ABL2: variants seen among roughly 807,000 people sequenced by gnomAD.
ABL2 encodes tyrosine-protein kinase ABL2.
A neutral mutation model predicts 107.7 loss-of-function variants in ABL2; 49 were observed. The observed-to-expected ratio is 0.45, with a 90% CI of 0.36 to 0.58. The LOEUF (loss-of-function observed/expected upper bound fraction) is 0.58, where lower values mean the gene tolerates loss of function less well. Among genes scored for constraint, ABL2 ranks in the 20% least tolerant of loss-of-function variants. The pLI is 0.00. For synonymous variants in ABL2, 549 were observed against 548.6 expected (o/e 1.00, Z -0.01); for missense variants, 1,245 against 1,457.0 (o/e 0.85, Z 2.37).
At chr1:179,226,402 G>C (rs1443762405) in intron 1 of ABL2, among the ~76,000 whole-genome samples, 1 of 146,738 alleles carries the variant, frequency 6.8e-6, no homozygotes, top group African/African-American at 2.5e-5. Flanking sequence ...TCCACCTCCC[G>C]GGTTCAAGCG....
rs1040812554 is a variant in ABL2, at chr1:179,109,119, C to G, written c.2148G>C (p.Lys716Asn). The G allele has an allele frequency of 3.4e-5, 55 of 1,611,924 alleles. No homozygotes were observed. Among genetic ancestry groups the G allele is most frequent in the Non-Finnish European group, 4.4e-5 (52 of 1,179,756 alleles). ...TCTGTGCAAAGCTCCCCCCATAGCA[C>G]TTGGGTGGCACCAGATTCGCCTCTT... ...AQQEANLVPPKCYGGSFAQRN... is the reference protein window; with the variant it reads ...AQQEANLVPPNCYGGSFAQRN... Residue 716 changes from lysine (K) to asparagine (N), a missense_variant, in exon 12 of 12, where the codon AAG (lysine) becomes AAC (asparagine). By Grantham distance (94) the Lys-to-Asn change is moderately conservative. Around this residue, in one of 3 missense-constraint regions of ABL2, gnomAD observed 761 missense variants for 766.4 expected, o/e 0.99. Coordinates refer to ENST00000502732, the MANE Select transcript of ABL2 (RefSeq NM_007314.4).
Position 179,187,879 on chromosome 1 carries a change from A to G in ABL2, c.157+41362T>C, listed in dbSNP as rs539260135. Among the ~76,000 whole-genome samples, 19 of 152,306 alleles carry G rather than the reference A, an allele frequency of 1.2e-4. No individual in the cohort carries two copies. In the South Asian group the frequency reaches 3.9e-3, roughly 32 times the overall value. On this transcript the variant is annotated intron_variant, in intron 1 of 11. Coordinates refer to ENST00000502732, the MANE Select transcript of ABL2 (RefSeq NM_007314.4). Reference sequence around the variant, plus strand: ...ATTGTCCACAAATCAGCTAGACTGAACCCTATAAACTCTCCAAAAGATTCC... The same window carrying G: ...ATTGTCCACAAATCAGCTAGACTGAGCCCTATAAACTCTCCAAAAGATTCC...
intron 1 of ABL2, among the ~76,000 whole-genome samples, chr1:179,190,220 G>C (rs1476685887): frequency 6.6e-6 from 1 of 152,114 alleles, no homozygotes; most frequent in Non-Finnish European, 1.5e-5. Flanking sequence ...CCAGACTTCA[G>C]ATGCCATTTC....
At chr1:179,132,876 C>T (rs913839884) in intron 2 of ABL2, among the ~76,000 whole-genome samples, 2 of 146,010 alleles carry the variant, frequency 1.4e-5, no homozygotes, top group African/African-American at 2.6e-5. Context: ...CTCCCACCAC[C>T]GAGATGGAGT....
intron 10 of ABL2, among the ~76,000 whole-genome samples, chr1:179,111,999 C>G (rs941751358): frequency 6.6e-6 from 1 of 151,612 alleles, no homozygotes; most frequent in African/African-American, 2.4e-5. Context: ...GAGCTGACAT[C>G]GCACCACTGC....
chr1:179,195,338 G>A (rs1661249632), intron 1 of ABL2, among the ~76,000 whole-genome samples: 1 of 152,080 alleles, frequency 6.6e-6, no homozygotes, highest in African/African-American at 2.4e-5. Flanking sequence ...ACAGCCATTA[G>A]GATGGCTATT....
intron 1 of ABL2, chr1:179,221,055 G>A (rs557592568): frequency 1.8e-4 from 41 of 233,238 alleles, no homozygotes; most frequent in Non-Finnish European, 2.8e-4. Context: ...AAACTGCTCT[G>A]ATCAAAATCC....
chr1:179,160,603 T>C (rs910040051), intron 1 of ABL2, among the ~76,000 whole-genome samples: 2 of 152,172 alleles, frequency 1.3e-5, no homozygotes, highest in Non-Finnish European at 2.9e-5. Context: ...ATCTTCCTTA[T>C]ATATTTTATG....
intron 1 of ABL2, among the ~76,000 whole-genome samples, chr1:179,156,678 C>T (rs1345839692): frequency 6.6e-6 from 1 of 152,054 alleles, no homozygotes; most frequent in African/African-American, 2.4e-5. Flanking sequence ...AGTTCAAAGA[C>T]CATCCTGGTC....
intron 3 of ABL2, among the ~76,000 whole-genome samples, chr1:179,128,962 G>C (rs1249782417): frequency 6.6e-6 from 1 of 151,916 alleles, no homozygotes; most frequent in African/African-American, 2.4e-5. Context: ...TGAGAATACA[G>C]GGATGAGCCA....
Position 179,126,591 on chromosome 1 carries a change from G to T in ABL2, c.473C>A (p.Pro158Gln). 6.2e-7 allele frequency: 1 copy of T among 1,614,110 alleles called. No individual in the cohort carries two copies. Among genetic ancestry groups the T allele is most frequent in the African/African-American group, 1.3e-5 (1 of 75,022 alleles). Residue 158 changes from proline to glutamine, a missense_variant, in exon 4 of 12, where the codon CCA becomes CAA. Coordinates refer to ENST00000502732, the MANE Select transcript of ABL2 (RefSeq NM_007314.4). The surrounding 1 kb of genome is among the most constrained non-coding windows in gnomAD (Gnocchi z 4.4). ...VRSKNGQGWV[P>Q]SNYITPVNSL... ...GTTCACTGGGGTGATGTAGTTGCTT[G>T]GCACCCAGCCCTGCCCATTCTTAGA...
rs572438530 is a variant in ABL2 at position 179,178,401 on chromosome 1, C to CAAAAAA, written c.158-45033_158-45028dup. On this transcript the variant is annotated intron_variant, in intron 1 of 11. Coordinates refer to ENST00000502732, the MANE Select transcript of ABL2 (RefSeq NM_007314.4). ...TGGGTGACAGAGCAAGACTCTGCCTCAAAAAAAAAAAAAAAAAAATTATTT... is the reference window on the plus strand; with the variant it reads ...TGGGTGACAGAGCAAGACTCTGCCTCAAAAAAAAAAAAAAAAAAAAAAAAATTATTT... 6.3e-4 allele frequency among the ~76,000 whole-genome samples: 43 copies of CAAAAAA among 68,636 alleles called. 1 individual carries two copies. Among genetic ancestry groups the CAAAAAA allele is most frequent in the East Asian group, 1.4e-3 (3 of 2,194 alleles). The allele number at this position is 68,636 out of a possible 152,430, so 45.0% of individuals were successfully genotyped here.
At chr1:179,210,080 G>A (rs1381428081) in intron 1 of ABL2, among the ~76,000 whole-genome samples, 1 of 151,856 alleles carries the variant, frequency 6.6e-6, no homozygotes, top group Non-Finnish European at 1.5e-5. Flanking sequence ...GCCCAGGGTG[G>A]TCTCAAACTC....
rs2102563455 is a variant in ABL2 at position 179,103,986 on chromosome 1, C to T, written c.*3732G>A. ...CGAGATTACTGGAGAATACACTGGCCGAGACCCCAGCCCACTGGGAATTCT... is the reference window on the plus strand; with the variant it reads ...CGAGATTACTGGAGAATACACTGGCTGAGACCCCAGCCCACTGGGAATTCT... On this transcript the variant is annotated 3_prime_UTR_variant, in exon 12 of 12. Transcript: ENST00000502732. 4.3e-6 allele frequency: 1 copy of T among 233,432 alleles called. No individual in the cohort carries two copies. Among genetic ancestry groups the T allele is most frequent in the Non-Finnish European group, 8.5e-6 (1 of 117,900 alleles). The allele number at this position is 233,432 out of a possible 1,614,324, so 14.5% of individuals were successfully genotyped here. A position where few individuals can be genotyped will look rare whatever the true frequency, so the allele number is the denominator to read the frequency against.
intron 1 of ABL2, among the ~76,000 whole-genome samples, chr1:179,204,787 T>C (rs528727871): frequency 7.2e-5 from 11 of 152,086 alleles, no homozygotes; most frequent in African/African-American, 2.4e-4. Flanking sequence ...ACTAAGATGA[T>C]TGTTTTAGAC....
chr1:179,102,637 G>T lies in ABL2; in HGVS notation c.*5081C>A. The T allele has an allele frequency of 4.4e-6, 1 of 229,078 alleles. No homozygotes were observed. The highest frequency in any genetic ancestry group is 8.7e-6 in the Non-Finnish European group (1 of 115,572). 14.2% of individuals were successfully genotyped at this position (229,078 alleles called of 1,614,324 possible). A position where few individuals can be genotyped will look rare whatever the true frequency, so the allele number is the denominator to read the frequency against. On this transcript the variant is annotated 3_prime_UTR_variant, in exon 12 of 12. Transcript: ENST00000502732. Reference sequence around the variant, plus strand: ...CAAGATGATGAAACTCAAAAATCAAGAACAAAAATATAGATAACCCTGTCA... The same window carrying T: ...CAAGATGATGAAACTCAAAAATCAATAACAAAAATATAGATAACCCTGTCA...
chr1:179,219,288 C>G (rs1054869157), intron 1 of ABL2, among the ~76,000 whole-genome samples: 2 of 152,166 alleles, frequency 1.3e-5, no homozygotes, highest in African/African-American at 4.8e-5. Flanking sequence ...AAGCAATCCA[C>G]CTGCTTCGGC....
At chr1:179,150,027 T>C (rs1458954227) in intron 1 of ABL2, among the ~76,000 whole-genome samples, 1 of 151,852 alleles carries the variant, frequency 6.6e-6, no homozygotes, top group East Asian at 1.9e-4. Flanking sequence ...AGGCCAGGAG[T>C]TCAAGACCAG....
chr1:179,124,940 T>C (rs1415509923), intron 4 of ABL2, among the ~76,000 whole-genome samples: 1 of 152,232 alleles, frequency 6.6e-6, no homozygotes, highest in Non-Finnish European at 1.5e-5. Context: ...CCATCATGAC[T>C]ATCTAACTCT....
Sources: allele counts gnomAD v4.1 joint callset (sites outside exome capture counted in the v4.1 genomes callset), GRCh38; gene constraint gnomAD v4.1.1; regional missense constraint gnomAD v4.1.1; non-coding constraint Gnocchi (gnomAD v3.1); transcripts MANE v1.5; gene names NCBI Gene and HGNC (gene_info 2026-07-23, HGNC 2026-07-21).